Variants in POLRMT observed in about 807,000 individuals in gnomAD.
POLRMT encodes RNA polymerase mitochondrial.
In POLRMT, 114 loss-of-function variants were observed where a neutral mutation model predicts 132.2. The ratio of observed to expected loss-of-function variants is 0.86; its 90% CI spans 0.74 to 1.01. The LOEUF (loss-of-function observed/expected upper bound fraction) is 1.01. POLRMT is among the 50% of genes least tolerant of loss of function. The pLI, the probability that POLRMT is intolerant of heterozygous loss-of-function variation, is 0.00. For missense variants in POLRMT, 2,003 were observed against 1,729.1 expected, an observed-to-expected ratio of 1.16 and a Z score of -2.81; for synonymous variants, 1,020 against 773.4, an observed-to-expected ratio of 1.32 and a Z score of -5.29.
intron 3 of POLRMT, among the ~76,000 whole-genome samples, chr19:628,269 G>T: frequency 6.6e-6 from 1 of 152,346 alleles, no homozygotes; most frequent in South Asian, 2.1e-4. Flanking sequence ...TCCCAAAAGC[G>T]CCCTGTTACA....
At chr19:620,948 G>A in intron 10 of POLRMT, 110 bp downstream of exon 10, 1 of 439,188 alleles carries the variant, frequency 2.3e-6, no homozygotes, top group East Asian at 5.5e-5. Flanking sequence ...AGGGGGAGGG[G>A]AGGAGGAAGA....
chr19:624,747 G>A lies in POLRMT; in HGVS notation c.1112C>T (p.Ser371Phe), dbSNP rs780367527. Residue 371 changes from serine to phenylalanine, a missense_variant, in exon 5 of 21, where the codon TCC (serine) becomes TTC (phenylalanine). Coordinates refer to ENST00000588649, the MANE Select transcript of POLRMT (RefSeq NM_005035.4). The part of the protein sequence containing the change: ...PPQLPPPVNT[S>F]KLLRDVYAKD... ...GGCATACACGTCCCTGAGCAGCTTG[G>A]AGGTGTTGACCGGGGGCGGCAGCTG... 1.9e-6 allele frequency: 3 copies of A among 1,613,902 alleles called. No homozygotes were observed. Among genetic ancestry groups the A allele is most frequent in the Non-Finnish European group, 1.7e-6 (2 of 1,180,002 alleles).
At position 619,747 on chromosome 19, in the gene POLRMT, G is replaced by T. The variant is rs761839749; in HGVS notation, c.2905C>A (p.Gln969Lys). Residue 969 changes from glutamine (Q) to lysine (K), a missense_variant, in exon 13 of 21, where the codon CAG becomes AAG. Coordinates refer to ENST00000588649, the MANE Select transcript of POLRMT (RefSeq NM_005035.4). The part of the protein sequence containing the change: ...VAAQVEVFRR[Q>K]DAQRGMRVAQ... ...ACCCGCATGCCCCGCTGGGCGTCCT[G>T]CCTACGGAACACCTCCACCTGCACG... 3 of 1,586,362 alleles carry T rather than the reference G, an allele frequency of 1.9e-6. No homozygotes were observed. Among genetic ancestry groups the T allele is most frequent in the Non-Finnish European group, 1.7e-6 (2 of 1,166,058 alleles).
At position 622,284 on chromosome 19, in the gene POLRMT, C is replaced by T; in HGVS notation, c.1716G>A (p.Gln572=). Residue 572 remains glutamine, a synonymous_variant, in exon 9 of 21, where the codon CAG becomes CAA. Coordinates refer to ENST00000588649, the MANE Select transcript of POLRMT (RefSeq NM_005035.4). ...CCGCCAGCAGCTTGCCCAGCTCCAT[C>T]TGCACTGGCAGGGGCCAGGGCTGCT... is the stretch of plus-strand genomic sequence containing the variant. The part of the protein sequence containing the change: ...LREQPWPLPV[Q]MELGKLLAEM... 1 of 1,565,018 alleles carries T rather than the reference C, an allele frequency of 6.4e-7. No homozygotes were observed. Among genetic ancestry groups the T allele is most frequent in the Non-Finnish European group, 8.7e-7 (1 of 1,155,868 alleles).
intron 10 of POLRMT, 130 bp from the exon 11 acceptor site, chr19:620,617 T>C: frequency 8.4e-7 from 1 of 1,194,292 alleles, no homozygotes; most frequent in Non-Finnish European, 1.1e-6. Flanking sequence ...GGGACGCATG[T>C]GGGCGAGAGA....
Position 621,319 on chromosome 19 carries a change from G to C in POLRMT, c.2379C>G (p.Val793=), listed in dbSNP as rs753607400. 6.3e-7 allele frequency: 1 copy of C among 1,596,540 alleles called. No individual in the cohort carries two copies. The highest frequency in any genetic ancestry group is 8.5e-7 in the Non-Finnish European group (1 of 1,176,730). ...LSLAQHLRDR[V]FWLPHNMDFR... ...AGTCCATGTTGTGCGGCAGCCAGAA[G>C]ACGCGGTCCCGCAGGTGCTGCGCCA... is the stretch of plus-strand genomic sequence containing the variant. Residue 793 remains valine (V), a synonymous_variant, in exon 10 of 21, where the codon GTC becomes GTG. Transcript: ENST00000588649.
intron 17 of POLRMT, 126 bp from the exon 18 acceptor site, chr19:617,975 C>T (rs1487472008): frequency 1.0e-5 from 8 of 768,180 alleles, no homozygotes; most frequent in Admixed American, 4.3e-5. Flanking sequence ...CTGCAGGCCT[C>T]GCCCCACCCC....
chr19:619,403 G>A (rs1984315493), intron 13 of POLRMT, 107 bp from the exon 14 acceptor site: 3 of 1,414,790 alleles, frequency 2.1e-6, no homozygotes, highest in South Asian at 2.4e-5. Context: ...GCCTAGCAGG[G>A]GGGCAGGGGA....
intron 3 of POLRMT, 24 bp from the exon 4 acceptor site, chr19:625,278 G>C (rs1371890491): frequency 1.2e-6 from 2 of 1,612,686 alleles, no homozygotes; most frequent in Non-Finnish European, 1.7e-6. Context: ...CCAGGGTGAG[G>C]GTCTGGGGGG....
intron 4 of POLRMT, 64 bp from the exon 5 acceptor site, chr19:624,969 G>C: frequency 6.5e-7 from 1 of 1,550,034 alleles, no homozygotes; most frequent in Non-Finnish European, 8.7e-7. Context: ...ACAGACCCCA[G>C]GGGAACCTCG....
chr19:623,220 C>T lies in POLRMT; in HGVS notation c.1290+234G>A, dbSNP rs375298342. Among the ~76,000 whole-genome samples the T allele has an allele frequency of 3.2e-4, 48 of 152,374 alleles. No homozygotes were observed. In the East Asian group the frequency reaches 4.6e-3, roughly 15 times the overall value. ...AGAAGCACAGGCCAAGACCCAACCT[C>T]GGGACCCCACAAGTTTTCCCTGAGC... On this transcript the variant is annotated intron_variant, in intron 6 of 20. Transcript: ENST00000588649.
intron 3 of POLRMT, among the ~76,000 whole-genome samples, chr19:627,597 C>T (rs1003901098): frequency 6.6e-6 from 1 of 152,028 alleles, no homozygotes; most frequent in Non-Finnish European, 1.5e-5. Flanking sequence ...CGGAAAATTC[C>T]CAACATCATA....
chr19:619,390 A>G (rs541549837), intron 13 of POLRMT, 94 bp from the exon 14 acceptor site: 2 of 1,429,690 alleles, frequency 1.4e-6, no homozygotes, highest in South Asian at 1.2e-5. Context: ...CCCAAGGCCT[A>G]GGGCCTAGCA....
In POLRMT at chr19:623,422, C is replaced by A. The variant is rs770747022; in HGVS notation, c.1290+32G>T. 9 of 1,605,182 alleles carry A rather than the reference C, an allele frequency of 5.6e-6. No individual in the cohort carries two copies. In the East Asian group the frequency reaches 1.6e-4, roughly 28 times the overall value. ...ACACGCGACCCCGGCTCAGCCCCTG[C>A]GGCGGACACGGGACCCCGGCTCAGC... is the stretch of plus-strand genomic sequence containing the variant. On this transcript the variant is annotated intron_variant, in intron 6 of 20. Coordinates refer to ENST00000588649, the MANE Select transcript of POLRMT (RefSeq NM_005035.4).
intron 2 of POLRMT, 44 bp downstream of exon 2, chr19:632,790 G>A: frequency 6.8e-7 from 1 of 1,473,662 alleles, no homozygotes; most frequent in Non-Finnish European, 9.1e-7. Flanking sequence ...CGGCAGCAGG[G>A]AGCGGACTCT....
intron 2 of POLRMT, 135 bp downstream of exon 2, chr19:632,699 G>C (rs1985510954): frequency 1.5e-6 from 1 of 675,882 alleles, no homozygotes. Context: ...TTTCAGCAAC[G>C]CCGTCTGGGC....
Position 619,729 on chromosome 19 carries a change from T to C in POLRMT, c.2923A>G (p.Met975Val), listed in dbSNP as rs1402201095. The change falls in exon 13 of 21, where the codon ATG (methionine) becomes GTG (valine). Residue 975 changes from methionine (M) to valine (V), a missense_variant. Physicochemically the swap from Met to Val is conservative, Grantham distance 21. Coordinates refer to ENST00000588649, the MANE Select transcript of POLRMT (RefSeq NM_005035.4). ...CCTTCCAGCACCTGTGCCACCCGCA[T>C]GCCCCGCTGGGCGTCCTGCCTACGG... ...VFRRQDAQRG[M>V]RVAQVLEGFI... The C allele has an allele frequency of 2.5e-6, 4 of 1,599,166 alleles. No homozygotes were observed. Among genetic ancestry groups the C allele is most frequent in the East Asian group, 2.2e-5 (1 of 44,726 alleles).
rs1175483896 is a variant in POLRMT, at chr19:633,301, G to C, written c.88+124C>G. The C allele has an allele frequency of 8.3e-6, 10 of 1,209,556 alleles. No individual in the cohort carries two copies. The East Asian group carries it at 2.8e-4, about 34-fold the overall frequency. The allele number at this position is 1,209,556 out of a possible 1,614,324, so 74.9% of individuals were successfully genotyped here. A position where few individuals can be genotyped will look rare whatever the true frequency, so the allele number is the denominator to read the frequency against. ...CAAGGGCGAGTGGAAAGCGGGGCCGGGTCGGTGGGCTGCGCACGCCCAGGT... is the reference window on the plus strand; with the variant it reads ...CAAGGGCGAGTGGAAAGCGGGGCCGCGTCGGTGGGCTGCGCACGCCCAGGT... On this transcript the variant is annotated intron_variant, in intron 1 of 20. Coordinates refer to ENST00000588649, the MANE Select transcript of POLRMT (RefSeq NM_005035.4).
rs994550855 is a variant in POLRMT at position 619,191 on chromosome 19, G to C, written c.3153+19C>G. 4 of 1,610,410 alleles carry C rather than the reference G, an allele frequency of 2.5e-6. No homozygotes were observed. In the African/African-American group the frequency reaches 5.4e-5, roughly 22 times the overall value. On this transcript the variant is annotated intron_variant, in intron 14 of 20. Coordinates refer to ENST00000588649, the MANE Select transcript of POLRMT (RefSeq NM_005035.4). ...TTGCTTAGGGAGTCCTGGCCGAGCG[G>C]GGACAGGACAGGACGTACCTGGATG... is the stretch of plus-strand genomic sequence containing the variant.
Sources: allele counts gnomAD v4.1 joint callset (sites outside exome capture counted in the v4.1 genomes callset), GRCh38; gene constraint gnomAD v4.1.1; transcripts MANE v1.5; gene names NCBI Gene and HGNC (gene_info 2026-07-23, HGNC 2026-07-21).